The following MDH2 variants were observed in gnomAD, a reference collection of about 807,000 sequenced individuals.
MDH2 encodes malate dehydrogenase, mitochondrial.
Under a neutral mutation model 33.6 loss-of-function variants are expected in MDH2, and 25 were observed. The observed-to-expected ratio is 0.74, with a 90% CI of 0.54 to 1.04. The LOEUF (loss-of-function observed/expected upper bound fraction) is 1.04, where lower values mean the gene tolerates loss of function less well. MDH2 is among the 50% of genes least tolerant of loss of function. MDH2 has a pLI of 0.00. For missense variants in MDH2, 432 were observed against 445.0 expected (o/e 0.97, Z 0.26); for synonymous variants, 193 against 188.7 (o/e 1.02, Z -0.19).
chr7:76,058,300 C>G, intron 4 of MDH2: 2 of 542,508 alleles, frequency 3.7e-6, no homozygotes, highest in South Asian at 4.8e-5. Context: ...AGGGTTGTCA[C>G]AGCCAGCCTT....
Position 76,066,130 on chromosome 7 carries a change from A to C in MDH2, c.886-149A>C, listed in dbSNP as rs913845767. ...TCCTGACCGCAGCTCAGTCCCACCC[A>C]CCTGCTCAGCAAGGCGTCCCCAGCA... On this transcript the variant is annotated intron_variant, in intron 8 of 8. Coordinates refer to ENST00000315758, the MANE Select transcript of MDH2 (RefSeq NM_005918.4). 12 of 924,392 alleles carry C rather than the reference A, an allele frequency of 1.3e-5. No individual in the cohort carries two copies. In the African/African-American group the frequency reaches 2.0e-4, roughly 15 times the overall value. 57.3% of individuals were successfully genotyped at this position (924,392 alleles called of 1,614,324 possible).
In MDH2 at chr7:76,048,940, A is replaced by T; in HGVS notation, c.66+714A>T. ...GTGTCAGAATCACCAGAAAGCTAAT[A>T]AAAAACAGACGTCTGGGTTCATTGA... On this transcript the variant is annotated intron_variant, in intron 1 of 8. Coordinates refer to ENST00000315758, the MANE Select transcript of MDH2 (RefSeq NM_005918.4). 5 of 941,806 alleles carry T rather than the reference A, an allele frequency of 5.3e-6. No homozygotes were observed. The South Asian group carries it at 1.5e-4, about 29-fold the overall frequency. The allele number at this position is 941,806 out of a possible 1,614,324, so 58.3% of individuals were successfully genotyped here.
At chr7:76,060,645 T>C in intron 5 of MDH2, 147 bp downstream of exon 5, 1 of 1,207,788 alleles carries the variant, frequency 8.3e-7, no homozygotes, top group South Asian at 1.6e-5. Context: ...GCCCTCTTGA[T>C]GGAAGCAGCC....
At chr7:76,054,158 C>T (rs1797699683) in intron 1 of MDH2, among the ~76,000 whole-genome samples, 1 of 152,166 alleles carries the variant, frequency 6.6e-6, no homozygotes, top group Non-Finnish European at 1.5e-5. Context: ...GGCTGGAGAA[C>T]CAGTGTGAGA....
In MDH2 at chr7:76,054,969, G is replaced by A. The variant is rs1188608233; in HGVS notation, c.206G>A (p.Ser69Asn). The A allele has an allele frequency of 1.9e-6, 3 of 1,613,884 alleles. No homozygotes were observed. Among genetic ancestry groups the A allele is most frequent in the African/African-American group, 1.3e-5 (1 of 74,916 alleles). Residue 69 changes from serine to asparagine, a missense_variant, in exon 2 of 9, where the codon AGC (serine) becomes AAC (asparagine). By Grantham distance (46) the Ser-to-Asn change is conservative (BLOSUM62 1). Coordinates refer to ENST00000315758, the MANE Select transcript of MDH2 (RefSeq NM_005918.4). ...AHTPGVAADL[S>N]HIETKAAVKG... is the part of the protein sequence containing the mutation. ...ACACCCGGAGTGGCCGCAGATCTGA[G>A]CCACATCGAGACCAAAGCCGCTGTG...
At position 76,066,518 on chromosome 7, in the gene MDH2, T is replaced by C; in HGVS notation, c.*108T>C. ...TAATTTGCTTTGGTGATGATTACTG[T>C]ATTGACATCATCATGCCTTCCAAAT... On this transcript the variant is annotated 3_prime_UTR_variant, in exon 9 of 9. Transcript: ENST00000315758. 1 of 1,342,418 alleles carries C rather than the reference T, an allele frequency of 7.4e-7. No individual in the cohort carries two copies. The highest frequency in any genetic ancestry group is 9.8e-7 in the Non-Finnish European group (1 of 1,017,014). 83.2% of individuals were successfully genotyped at this position (1,342,418 alleles called of 1,614,324 possible).
chr7:76,057,498 G>C lies in MDH2; in HGVS notation c.319+5G>C. 1 of 1,614,088 alleles carries C rather than the reference G, an allele frequency of 6.2e-7. No individual in the cohort carries two copies. ...CTGGAGTCCCCAGAAAGCCAGGTTT[G>C]TGTTTGAAAGCCTTGTCTGGTACCT... is the stretch of plus-strand genomic sequence containing the variant. On this transcript the variant is annotated splice_donor_5th_base_variant and intron_variant, in intron 3 of 8. Transcript: ENST00000315758.
intron 4 of MDH2, among the ~76,000 whole-genome samples, chr7:76,059,116 G>A (rs927939584): frequency 1.6e-4 from 25 of 152,112 alleles, no homozygotes; most frequent in African/African-American, 6.0e-4. Context: ...GCTAATTTTT[G>A]TACTTTTAGT....
intron 8 of MDH2, among the ~76,000 whole-genome samples, chr7:76,065,698 T>C (rs1354783545): frequency 1.3e-5 from 2 of 152,076 alleles, no homozygotes; most frequent in Admixed American, 6.6e-5. Flanking sequence ...TAGGAGGGAA[T>C]TGAGTTGAGG....
At chr7:76,053,539 TC>T (rs1180552513) in intron 1 of MDH2, among the ~76,000 whole-genome samples, 2 of 152,196 alleles carry the variant, frequency 1.3e-5, no homozygotes, top group East Asian at 3.8e-4. Context: ...CAGTTTAATT[TC>T]CTGAGCAGAA....
chr7:76,048,257 G>T, intron 1 of MDH2, 31 bp downstream of exon 1: 1 of 1,527,998 alleles, frequency 6.5e-7, no homozygotes, highest in Non-Finnish European at 8.7e-7. Context: ...CCTGCAGGCG[G>T]AGGCCCCCCG....
intron 5 of MDH2, among the ~76,000 whole-genome samples, chr7:76,061,955 T>C (rs1165707352): frequency 6.6e-6 from 1 of 152,208 alleles, no homozygotes; most frequent in Non-Finnish European, 1.5e-5. Context: ...CATGGCCACA[T>C]ATGGCTCCTC....
intron 7 of MDH2, 111 bp from the exon 8 acceptor site, chr7:76,064,691 A>C: frequency 7.9e-7 from 1 of 1,270,410 alleles, no homozygotes; most frequent in South Asian, 1.5e-5. Flanking sequence ...GCTGACTGAA[A>C]TTCTCCACTG....
Position 76,048,233 on chromosome 7 carries a change from C to T in MDH2, c.66+7C>T, listed in dbSNP as rs782657737. The T allele has an allele frequency of 2.6e-6, 4 of 1,533,266 alleles. No individual in the cohort carries two copies. In the Admixed American group the frequency reaches 5.9e-5, roughly 23 times the overall value. 95.0% of individuals were successfully genotyped at this position (1,533,266 alleles called of 1,614,324 possible). On this transcript the variant is annotated splice_region_variant and intron_variant, in intron 1 of 8. Coordinates refer to ENST00000315758, the MANE Select transcript of MDH2 (RefSeq NM_005918.4). ...CTTCAGCACCTCGGCCCAGGTAGGC[C>T]AGACGAGGGGCGGCCTGCAGGCGGA...
In MDH2 at chr7:76,057,459, G is replaced by A. The variant is rs782473175; in HGVS notation, c.285G>A (p.Val95=). ...QLPDCLKGCD[V]VVIPAGVPRK... ...CTGACTGCCTGAAAGGTTGTGATGT[G>A]GTAGTTATTCCGGCTGGAGTCCCCA... The change falls in exon 3 of 9, where the codon GTG becomes GTA. Residue 95 remains valine, a synonymous_variant. Coordinates refer to ENST00000315758, the MANE Select transcript of MDH2 (RefSeq NM_005918.4). 1 of 1,614,140 alleles carries A rather than the reference G, an allele frequency of 6.2e-7. No individual in the cohort carries two copies.
chr7:76,058,648 T>C (rs1385558014), intron 4 of MDH2, among the ~76,000 whole-genome samples: 3 of 152,214 alleles, frequency 2.0e-5, no homozygotes, highest in Non-Finnish European at 1.5e-5. Context: ...ATAAAAGTTA[T>C]TTCTTTCCCT....
At position 76,060,420 on chromosome 7, in the gene MDH2, A is replaced by G. The variant is rs1554586827; in HGVS notation, c.477A>G (p.Gly159=). The G allele has an allele frequency of 1.2e-6, 2 of 1,614,142 alleles. No individual in the cohort carries two copies. Among genetic ancestry groups the G allele is most frequent in the South Asian group, 2.2e-5 (2 of 91,086 alleles). ...PITAEVFKKH[G]VYNPNKIFGV... ...CAGCAGAAGTTTTCAAGAAGCATGG[A>G]GTGTACAACCCCAACAAAATCTTCG... The change falls in exon 5 of 9, where the codon GGA becomes GGG. Residue 159 remains glycine, a synonymous_variant. Coordinates refer to ENST00000315758, the MANE Select transcript of MDH2 (RefSeq NM_005918.4).
At chr7:76,056,679 A>C (rs2116670538) in intron 2 of MDH2, among the ~76,000 whole-genome samples, 1 of 152,342 alleles carries the variant, frequency 6.6e-6, no homozygotes, top group East Asian at 1.9e-4. Flanking sequence ...AGAGTCTTTC[A>C]GCACAGGACG....
At chr7:76,057,643 CTT>C (rs1171965654) in intron 3 of MDH2, 150 bp downstream of exon 3, 11 of 808,036 alleles carry the variant, frequency 1.4e-5, no homozygotes, top group African/African-American at 5.2e-5. Flanking sequence ...GGTCACATCT[CTT>C]TGTTGGCCTG....
Sources: allele counts gnomAD v4.1 joint callset (sites outside exome capture counted in the v4.1 genomes callset), GRCh38; gene constraint gnomAD v4.1.1; transcripts MANE v1.5; gene names NCBI Gene and HGNC (gene_info 2026-07-23, HGNC 2026-07-21).